Variants in CFAP299 observed in about 807,000 individuals in gnomAD.
CFAP299 encodes cilia and flagella associated protein 299.
CFAP299 carries 21 observed loss-of-function variants against 27.0 expected under a neutral mutation model. The observed-to-expected ratio is 0.78, with a 90% CI of 0.55 to 1.12. CFAP299 has a LOEUF of 1.12. CFAP299 is among the 50% of genes most tolerant of loss of function. The pLI is 0.00. For synonymous variants in CFAP299, 104 were observed against 98.1 expected, an observed-to-expected ratio of 1.06 and a Z score of -0.36; for missense variants, 310 against 276.6, an observed-to-expected ratio of 1.12 and a Z score of -0.86.
intron 3 of CFAP299, among the ~76,000 whole-genome samples, chr4:80,676,613 A>G (rs1719476601): frequency 6.6e-6 from 1 of 151,760 alleles, no homozygotes; most frequent in African/African-American, 2.4e-5. Context: ...CTTTTTTATT[A>G]TAGCTTCAAT....
chr4:80,911,334 C>G (rs1406653234), intron 4 of CFAP299, among the ~76,000 whole-genome samples: 2 of 151,286 alleles, frequency 1.3e-5, no homozygotes, highest in Non-Finnish European at 2.9e-5. Context: ...CAACCAAACT[C>G]ACATTTGAAG....
At chr4:80,665,407 G>T (rs775549700) in intron 3 of CFAP299, among the ~76,000 whole-genome samples, 1 of 151,802 alleles carries the variant, frequency 6.6e-6, no homozygotes, top group African/African-American at 2.4e-5. Flanking sequence ...CTTCTCTATT[G>T]TTAGGACAGT....
Position 80,617,277 on chromosome 4 carries a change from A to C in CFAP299, c.333+34094A>C, listed in dbSNP as rs542291187. On this transcript the variant is annotated intron_variant, in intron 3 of 5. Coordinates refer to ENST00000358105, the MANE Select transcript of CFAP299 (RefSeq NM_152770.3). ...TATTTTAGTGGCCATGTTGTTGCTA[A>C]GAAACATGTCATATTTACCTGGAGT... Among the ~76,000 whole-genome samples the C allele has an allele frequency of 7.0e-4, 106 of 152,304 alleles. 2 individuals are homozygous for C. In the South Asian group the frequency reaches 0.022, roughly 31 times the overall value.
At chr4:80,838,040 T>C (rs1730663231) in intron 3 of CFAP299, among the ~76,000 whole-genome samples, 2 of 152,212 alleles carry the variant, frequency 1.3e-5, no homozygotes, top group Non-Finnish European at 2.9e-5. Context: ...AGCTTTTTTT[T>C]CCATATGTTT....
chr4:80,662,553 A>G (rs1472315786), intron 3 of CFAP299, among the ~76,000 whole-genome samples: 1 of 152,186 alleles, frequency 6.6e-6, no homozygotes, highest in Non-Finnish European at 1.5e-5. Context: ...TGGAGGGTTA[A>G]AGCAAAATGC....
At chr4:80,632,966 T>C (rs1006218103) in intron 3 of CFAP299, among the ~76,000 whole-genome samples, 2 of 152,218 alleles carry the variant, frequency 1.3e-5, no homozygotes, top group Non-Finnish European at 2.9e-5. Flanking sequence ...GGCAATATTA[T>C]GTGATTTTTA....
chr4:80,787,010 A>G (rs192132836), intron 3 of CFAP299, among the ~76,000 whole-genome samples: 1 of 152,022 alleles, frequency 6.6e-6, no homozygotes, highest in African/African-American at 2.4e-5. Context: ...TGATATTCAG[A>G]GATTTGTCCC....
intron 3 of CFAP299, among the ~76,000 whole-genome samples, chr4:80,678,238 C>G (rs1184853424): frequency 6.6e-6 from 1 of 152,008 alleles, no homozygotes; most frequent in Non-Finnish European, 1.5e-5. Context: ...CCTCAACCTT[C>G]AAGCTACTAC....
rs531308899 is a variant in CFAP299, at chr4:80,758,876, C to T, written c.334-111117C>T. Among the ~76,000 whole-genome samples, 68 of 152,076 alleles carry T rather than the reference C, an allele frequency of 4.5e-4. 1 individual carries two copies. Among genetic ancestry groups the T allele is most frequent in the African/African-American group, 1.6e-3 (66 of 41,498 alleles). ...AAACTTTCTTAAATATGGGTAAAAT[C>T]AGGACAAATTCTATTGGTCAAAATA... On this transcript the variant is annotated intron_variant, in intron 3 of 5. Coordinates refer to ENST00000358105, the MANE Select transcript of CFAP299 (RefSeq NM_152770.3).
chr4:80,343,661 C>A (rs970427328), intron 1 of CFAP299, among the ~76,000 whole-genome samples: 2 of 151,666 alleles, frequency 1.3e-5, no homozygotes, highest in Non-Finnish European at 2.9e-5. Context: ...CGGTGGCGGG[C>A]GCCTGTAGTC....
At chr4:80,689,475 T>C (rs1390025275) in intron 3 of CFAP299, among the ~76,000 whole-genome samples, 3 of 152,286 alleles carry the variant, frequency 2.0e-5, no homozygotes, top group African/African-American at 4.8e-5. Context: ...TAAAATACTT[T>C]ACAGACAAGC....
intron 3 of CFAP299, among the ~76,000 whole-genome samples, chr4:80,592,852 T>G (rs1442235238): frequency 6.6e-6 from 1 of 152,206 alleles, no homozygotes; most frequent in African/African-American, 2.4e-5. Flanking sequence ...TGAATATAAT[T>G]TAATACTTTA....
At chr4:80,523,458 A>G (rs998076040) in intron 2 of CFAP299, among the ~76,000 whole-genome samples, 1 of 152,148 alleles carries the variant, frequency 6.6e-6, no homozygotes, top group East Asian at 1.9e-4. Context: ...AATTTTATAT[A>G]TCAACTTGAT....
intron 3 of CFAP299, among the ~76,000 whole-genome samples, chr4:80,645,004 C>A (rs962335702): frequency 6.6e-6 from 1 of 152,074 alleles, no homozygotes; most frequent in Non-Finnish European, 1.5e-5. Flanking sequence ...CACCAGCCCC[C>A]CCTCAGAAAT....
chr4:80,422,464 T>C (rs1727333028), intron 2 of CFAP299, among the ~76,000 whole-genome samples: 1 of 152,172 alleles, frequency 6.6e-6, no homozygotes, highest in Admixed American at 6.5e-5. Context: ...CGACCCTAAG[T>C]TCCTGACAGA....
chr4:80,356,776 T>C (rs868612369), intron 1 of CFAP299, among the ~76,000 whole-genome samples: 17 of 152,270 alleles, frequency 1.1e-4, no homozygotes, highest in African/African-American at 4.1e-4. Flanking sequence ...TCATATAATC[T>C]GCAAATAAAG....
intron 2 of CFAP299, among the ~76,000 whole-genome samples, chr4:80,578,951 A>G (rs999598238): frequency 7.9e-5 from 12 of 152,224 alleles, no homozygotes; most frequent in Non-Finnish European, 1.8e-4. Flanking sequence ...CACCAAGCCA[A>G]TCGCACAAGA....
chr4:80,843,775 T>G (rs1268702196), intron 3 of CFAP299, among the ~76,000 whole-genome samples: 1 of 152,036 alleles, frequency 6.6e-6, no homozygotes, highest in Non-Finnish European at 1.5e-5. Flanking sequence ...TTTATTATTA[T>G]TATACTTTAA....
At chr4:80,401,460 C>A (rs1429232902) in intron 2 of CFAP299, among the ~76,000 whole-genome samples, 1 of 152,206 alleles carries the variant, frequency 6.6e-6, no homozygotes, top group Non-Finnish European at 1.5e-5. Context: ...CAATGTACAG[C>A]TTGGGCTGTG....
Sources: allele counts gnomAD v4.1 joint callset (sites outside exome capture counted in the v4.1 genomes callset), GRCh38; gene constraint gnomAD v4.1.1; transcripts MANE v1.5; gene names NCBI Gene and HGNC (gene_info 2026-07-23, HGNC 2026-07-21).